DGKZ: variants seen among roughly 807,000 people sequenced by gnomAD.
DGKZ encodes diacylglycerol kinase zeta, also known as DAG kinase zeta.
Under a neutral mutation model 142.5 loss-of-function variants are expected in DGKZ, and 45 were observed. The ratio of observed to expected loss-of-function variants is 0.32; its 90% CI spans 0.25 to 0.40. DGKZ has a LOEUF of 0.40. Among genes scored for constraint, DGKZ ranks in the 10% least tolerant of loss-of-function variants. The pLI is 1.00. For synonymous variants in DGKZ, 442 were observed against 527.0 expected (o/e 0.84, Z 2.21); for missense variants, 755 against 1,306.5 (o/e 0.58, Z 6.51).
chr11:46,379,261 C>G (rs1324139606), intron 29 of DGKZ, 25 bp downstream of exon 29: 1 of 1,612,834 alleles, frequency 6.2e-7, no homozygotes, highest in African/African-American at 1.3e-5. Flanking sequence ...AGTGCAGAAC[C>G]GTGGTCACCC....
chr11:46,365,407 C>T, intron 1 of DGKZ: 1 of 985,440 alleles, frequency 1.0e-6, no homozygotes, highest in African/African-American at 1.7e-5. Flanking sequence ...AAAGTTCTTA[C>T]CATCAGCACT....
Position 46,366,630 on chromosome 11 carries a change from A to G in DGKZ, c.162-661A>G, listed in dbSNP as rs771867477. 2.5e-6 allele frequency: 4 copies of G among 1,605,912 alleles called. No homozygotes were observed. In the Admixed American group the frequency reaches 6.8e-5, roughly 27 times the overall value. On this transcript the variant is annotated intron_variant, in intron 1 of 30. Coordinates refer to ENST00000527911, the Ensembl canonical transcript of DGKZ. ...AATGAGGAGGAGGGTGTCCAGGAGG[A>G]TGTGGTAGCCGAGGCATCGAGCGCC...
rs1270962942 is a variant in DGKZ at position 46,376,591 on chromosome 11, C to T, written c.2202+27C>T. 3 of 1,612,976 alleles carry T rather than the reference C, an allele frequency of 1.9e-6. No homozygotes were observed. The South Asian group carries it at 3.3e-5, about 18-fold the overall frequency. On this transcript the variant is annotated intron_variant, in intron 24 of 30. Transcript: ENST00000527911. ...TGAGCGATTGCAGGCCTGCTCCAGCCACAGCTGCTTCCGGGCCCCAGGGTC... is the reference window on the plus strand; with the variant it reads ...TGAGCGATTGCAGGCCTGCTCCAGCTACAGCTGCTTCCGGGCCCCAGGGTC...
At chr11:46,357,493 C>T (rs1942165371) in intron 1 of DGKZ, among the ~76,000 whole-genome samples, 1 of 152,260 alleles carries the variant, frequency 6.6e-6, no homozygotes, top group Non-Finnish European at 1.5e-5. Context: ...CCAGCTGGAG[C>T]CTGTGGTCAG....
At position 46,372,608 on chromosome 11, in the gene DGKZ, T is replaced by C. The variant is rs1944075542; in HGVS notation, c.1011-9T>C. On this transcript the variant is annotated splice_polypyrimidine_tract_variant and intron_variant, in intron 11 of 30. Transcript: ENST00000527911. The surrounding 1 kb of genome is among the most constrained non-coding windows in gnomAD (Gnocchi z 5.9). ...CCCTGACCCCACTGCCATCTTCCCATGAGCCCAGGCTGGAGATGTACCGCA... is the reference window on the plus strand; with the variant it reads ...CCCTGACCCCACTGCCATCTTCCCACGAGCCCAGGCTGGAGATGTACCGCA... 1.9e-6 allele frequency: 3 copies of C among 1,613,700 alleles called. No individual in the cohort carries two copies. Among genetic ancestry groups the C allele is most frequent in the African/African-American group, 2.7e-5 (2 of 74,908 alleles).
upstream of DGKZ, among the ~76,000 whole-genome samples, chr11:46,344,451 A>C (rs993328628): frequency 1.5e-5 from 2 of 133,930 alleles, no homozygotes; most frequent in Non-Finnish European, 3.2e-5. Flanking sequence ...CATGAGCTCA[A>C]TTTTTTTTTT....
At chr11:46,380,193 T>C (rs1039164046) in exon 31 of DGKZ, 4 of 456,944 alleles carry the variant, frequency 8.8e-6, no homozygotes, top group Non-Finnish European at 1.6e-5. Flanking sequence ...CACGGCTGGG[T>C]TGGATATGCC....
At chr11:46,348,872 G>T (rs1941011022) in intron 1 of DGKZ, among the ~76,000 whole-genome samples, 1 of 152,170 alleles carries the variant, frequency 6.6e-6, no homozygotes, top group Non-Finnish European at 1.5e-5. Flanking sequence ...GGACCCCAGA[G>T]CCACCTCAGA....
intron 1 of DGKZ, chr11:46,333,573 C>A: frequency 2.4e-6 from 3 of 1,252,462 alleles, no homozygotes; most frequent in African/African-American, 1.5e-5. Context: ...ATTGTGCGCC[C>A]GCCGCCTGCC....
intron 1 of DGKZ, among the ~76,000 whole-genome samples, chr11:46,335,455 G>A (rs112064830): frequency 2.4e-4 from 35 of 147,484 alleles, no homozygotes; most frequent in South Asian, 6.3e-4. Context: ...ACACACACAC[G>A]CACACAGCGG....
At chr11:46,366,278 C>T in intron 1 of DGKZ, 1 of 1,582,514 alleles carries the variant, frequency 6.3e-7, no homozygotes, top group Non-Finnish European at 8.5e-7. Flanking sequence ...CTTTAGGAGA[C>T]ATTTCCGGGG....
intron 1 of DGKZ, among the ~76,000 whole-genome samples, chr11:46,340,479 G>A (rs1365735616): frequency 6.6e-6 from 1 of 152,208 alleles, no homozygotes; most frequent in Non-Finnish European, 1.5e-5. Context: ...CAGGAAATTG[G>A]GAGGTGCCAA....
intron 1 of DGKZ, among the ~76,000 whole-genome samples, chr11:46,355,162 G>A (rs941383082): frequency 6.6e-6 from 1 of 152,112 alleles, no homozygotes; most frequent in African/African-American, 2.4e-5. Context: ...AGGCTAGAGT[G>A]CAGTGGTGCG....
At chr11:46,333,606 A>T in intron 1 of DGKZ, 1 of 910,630 alleles carries the variant, frequency 1.1e-6, no homozygotes, top group Non-Finnish European at 1.7e-6. Flanking sequence ...TTTAGAGATG[A>T]CTGCCGAGGG....
chr11:46,370,160 A>C, intron 6 of DGKZ, 151 bp downstream of exon 6: 15 of 924,752 alleles, frequency 1.6e-5, no homozygotes, highest in Non-Finnish European at 2.2e-5. Context: ...TTCAGTTCTC[A>C]AGCACCCTGG....
intron 30 of DGKZ, 96 bp from the exon 31 acceptor site, chr11:46,379,735 G>A: frequency 7.3e-7 from 1 of 1,372,852 alleles, no homozygotes; most frequent in Non-Finnish European, 9.8e-7. Context: ...CTCCCTCCCT[G>A]ACCAGGCCAC....
At chr11:46,380,482 G>A (rs1590667219), downstream of DGKZ, 1 of 151,848 alleles carries the variant, frequency 6.6e-6, no homozygotes, top group Non-Finnish European at 1.5e-5. Context: ...CGGCCTGGGG[G>A]TGGGGGGCGG....
chr11:46,340,069 G>T (rs1228735411), intron 1 of DGKZ, among the ~76,000 whole-genome samples: 1 of 152,224 alleles, frequency 6.6e-6, no homozygotes, highest in Admixed American at 6.5e-5. Context: ...AGGAGCTAAG[G>T]TTGGCAGAAG....
chr11:46,380,076 C>T (rs1945050241), exon 31 of DGKZ: 3 of 995,732 alleles, frequency 3.0e-6, no homozygotes, highest in Non-Finnish European at 4.4e-6. Flanking sequence ...AGCCCCATGC[C>T]GCCCCCTAAG....
Sources: allele counts gnomAD v4.1 joint callset (sites outside exome capture counted in the v4.1 genomes callset), GRCh38; gene constraint gnomAD v4.1.1; non-coding constraint Gnocchi (gnomAD v3.1); transcripts MANE v1.5; gene names NCBI Gene and HGNC (gene_info 2026-07-23, HGNC 2026-07-21).